Variants in HCN1 observed in about 807,000 individuals in gnomAD.
The protein encoded by HCN1 is hyperpolarization activated cyclic nucleotide gated potassium channel 1.
HCN1 carries 13 observed loss-of-function variants against 78.9 expected under a neutral mutation model. The ratio of observed to expected loss-of-function variants is 0.16; its 90% CI spans 0.11 to 0.26. HCN1 has a LOEUF of 0.26. Ranked by LOEUF, HCN1 falls within the 10% of genes least tolerant of loss-of-function variation. The pLI is 1.00. For missense variants in HCN1, 810 were observed against 1,154.3 expected, an observed-to-expected ratio of 0.70 and a Z score of 4.32; for synonymous variants, 552 against 455.5, an observed-to-expected ratio of 1.21 and a Z score of -2.70.
intron 2 of HCN1, among the ~76,000 whole-genome samples, chr5:45,586,067 T>C (rs947175299): frequency 2.6e-5 from 4 of 152,158 alleles, no homozygotes; most frequent in Non-Finnish European, 5.9e-5. Context: ...GACAGGGACA[T>C]TTAAGTCTGC....
chr5:45,318,140 C>G (rs1409407998), intron 5 of HCN1, among the ~76,000 whole-genome samples: 1 of 152,000 alleles, frequency 6.6e-6, no homozygotes, highest in Non-Finnish European at 1.5e-5. Flanking sequence ...TCACTATTCA[C>G]AATAGCAAAG....
chr5:45,373,414 TATA>T (rs1747479094), intron 4 of HCN1, among the ~76,000 whole-genome samples: 1 of 133,862 alleles, frequency 7.5e-6, no homozygotes, highest in Non-Finnish European at 1.5e-5. Context: ...TAAAATATAT[TATA>T]ATATATATCC....
At chr5:45,562,508 C>T (rs907949872) in intron 2 of HCN1, among the ~76,000 whole-genome samples, 1 of 95,408 alleles carries the variant, frequency 1.0e-5, no homozygotes, top group South Asian at 3.3e-4. Context: ...CCCATGTCTA[C>T]AAAACAAACA....
chr5:45,364,888 A>G (rs1229858197), intron 4 of HCN1, among the ~76,000 whole-genome samples: 1 of 152,070 alleles, frequency 6.6e-6, no homozygotes, highest in Non-Finnish European at 1.5e-5. Flanking sequence ...ACAGTAGTTG[A>G]GATTTAGATT....
At chr5:45,553,875 G>T (rs1743422555) in intron 2 of HCN1, among the ~76,000 whole-genome samples, 1 of 151,818 alleles carries the variant, frequency 6.6e-6, no homozygotes, top group Non-Finnish European at 1.5e-5. Flanking sequence ...CAGGACCCAT[G>T]AATGGGAGGG....
At chr5:45,376,140 A>G (rs1170498137) in intron 4 of HCN1, among the ~76,000 whole-genome samples, 1 of 109,478 alleles carries the variant, frequency 9.1e-6, no homozygotes, top group Non-Finnish European at 1.7e-5. Context: ...AAAATATAAT[A>G]TATTATATAT....
intron 3 of HCN1, among the ~76,000 whole-genome samples, chr5:45,450,004 T>C (rs1740885721): frequency 6.6e-6 from 1 of 152,160 alleles, no homozygotes; most frequent in South Asian, 2.1e-4. Context: ...GGCTAATTTT[T>C]GTATTTTTAG....
intron 2 of HCN1, among the ~76,000 whole-genome samples, chr5:45,496,340 G>C (rs1170933776): frequency 6.6e-6 from 1 of 151,694 alleles, no homozygotes; most frequent in African/African-American, 2.4e-5. Context: ...GAGAGTGTAT[G>C]TGTCGAGGAA....
intron 2 of HCN1, among the ~76,000 whole-genome samples, chr5:45,470,701 T>A (rs1428999254): frequency 6.6e-6 from 1 of 151,964 alleles, no homozygotes; most frequent in Admixed American, 6.6e-5. Context: ...GCCTTATTTG[T>A]ATAAGTTTGA....
intron 7 of HCN1, among the ~76,000 whole-genome samples, chr5:45,265,482 A>C (rs1190954455): frequency 2.0e-5 from 3 of 152,188 alleles, no homozygotes; most frequent in African/African-American, 7.2e-5. Flanking sequence ...CTAAGATTTC[A>C]ATATGAATTT....
chr5:45,553,976 C>A (rs1158341734), intron 2 of HCN1, among the ~76,000 whole-genome samples: 1 of 151,920 alleles, frequency 6.6e-6, no homozygotes, highest in Non-Finnish European at 1.5e-5. Flanking sequence ...CCATCTGTTA[C>A]AGATCTGTGT....
chr5:45,617,440 G>A (rs1419077393), intron 2 of HCN1: 1 of 152,082 alleles, frequency 6.6e-6, no homozygotes, highest in African/African-American at 2.4e-5. Flanking sequence ...TGGTGACCAT[G>A]GGTTAAGTCA....
chr5:45,404,037 G>T (rs537299535), intron 3 of HCN1, among the ~76,000 whole-genome samples: 1 of 152,016 alleles, frequency 6.6e-6, no homozygotes, highest in African/African-American at 2.4e-5. Flanking sequence ...AGGTTTTTTT[G>T]CCCCACTTCG....
At chr5:45,645,679 T>C in intron 1 of HCN1, 71 bp from the exon 2 acceptor site, 2 of 908,264 alleles carry the variant, frequency 2.2e-6, no homozygotes, top group Admixed American at 2.3e-5. Context: ...TGAAAAATTA[T>C]TACTGATATA....
At chr5:45,632,807 G>T (rs997435006) in intron 2 of HCN1, among the ~76,000 whole-genome samples, 1 of 151,968 alleles carries the variant, frequency 6.6e-6, no homozygotes, top group Non-Finnish European at 1.5e-5. Flanking sequence ...ACAGGTGTTG[G>T]AAGTGACTCC....
intron 6 of HCN1, among the ~76,000 whole-genome samples, chr5:45,267,815 TA>T (rs1744891533): frequency 6.6e-6 from 1 of 152,072 alleles, no homozygotes; most frequent in South Asian, 2.1e-4. Flanking sequence ...ACTTTTGGTT[TA>T]AATGCAAGGC....
Position 45,353,220 on chromosome 5 carries a change from T to A in HCN1, c.1257A>T (p.Ser419=), listed in dbSNP as rs770306188. The A allele has an allele frequency of 3.7e-6, 6 of 1,607,528 alleles. No individual in the cohort carries two copies. The highest frequency in any genetic ancestry group is 4.3e-6 in the Non-Finnish European group (5 of 1,174,634). The change falls in exon 5 of 8, where the codon TCA becomes TCT. Residue 419 remains serine, a synonymous_variant. Coordinates refer to ENST00000303230, the MANE Select transcript of HCN1 (RefSeq NM_021072.4). ...GCATATCAGCTGGTAACTTATGGAATGACATGTATTGTTCCACTTGCTTAT... is the reference window on the plus strand; with the variant it reads ...GCATATCAGCTGGTAACTTATGGAAAGACATGTATTGTTCCACTTGCTTAT... ...EKYKQVEQYM[S]FHKLPADMRQ... is the part of the protein sequence containing the mutation.
Position 45,262,079 on chromosome 5 carries a change from C to T in HCN1, c.2515G>A (p.Val839Ile), listed in dbSNP as rs1328423751. 2 of 1,613,630 alleles carry T rather than the reference C, an allele frequency of 1.2e-6. No individual in the cohort carries two copies. The highest frequency in any genetic ancestry group is 1.7e-6 in the Non-Finnish European group (2 of 1,179,864). Residue 839 changes from valine (V) to isoleucine (I), a missense_variant, in exon 8 of 8, where the codon GTC becomes ATC. This residue lies in a region of HCN1 where 398 missense variants were observed against 381.3 expected (regional missense o/e 1.04). Transcript: ENST00000303230. Reference protein sequence around the residue: ...AGGRSTVPQRVTLFRQMSSGA... With the variant: ...AGGRSTVPQRITLFRQMSSGA... ...GACGACATCTGTCGGAAGAGGGTGACGCGCTGCGGGACAGTGCTCCTGCCC... is the reference window on the plus strand; with the variant it reads ...GACGACATCTGTCGGAAGAGGGTGATGCGCTGCGGGACAGTGCTCCTGCCC...
chr5:45,485,140 G>A (rs900038091), intron 2 of HCN1, among the ~76,000 whole-genome samples: 5 of 152,076 alleles, frequency 3.3e-5, no homozygotes, highest in Admixed American at 6.6e-5. Flanking sequence ...TAATGGGGGC[G>A]GAAAAACTGT....
Sources: gnomAD v4.1 joint callset for allele counts (sites outside exome capture counted in the v4.1 genomes callset) on GRCh38, gnomAD v4.1.1 for gene constraint, gnomAD v4.1.1 regional missense constraint, MANE v1.5 for transcripts, NCBI Gene and HGNC (gene_info 2026-07-23, HGNC 2026-07-21) for gene names.